The following LTA4H variants were observed in gnomAD, a reference collection of about 807,000 sequenced individuals.
The protein encoded by LTA4H is leukotriene A-4 hydrolase.
LTA4H carries 59 observed loss-of-function variants against 89.8 expected under a neutral mutation model. The observed-to-expected ratio is 0.66, with a 90% CI of 0.53 to 0.82. LTA4H has a LOEUF of 0.82. LTA4H is among the 40% of genes least tolerant of loss of function. LTA4H has a pLI of 0.00. For missense variants in LTA4H, 617 were observed against 727.0 expected, an observed-to-expected ratio of 0.85 and a Z score of 1.74; for synonymous variants, 227 against 253.1, an observed-to-expected ratio of 0.90 and a Z score of 0.98.
At position 96,002,994 on chromosome 12, in the gene LTA4H, G is replaced by C. The variant is rs1372587396; in HGVS notation, c.1684C>G (p.Gln562Glu). 4.4e-6 allele frequency: 7 copies of C among 1,604,856 alleles called. No individual in the cohort carries two copies. The highest frequency in any genetic ancestry group is 6.0e-6 in the Non-Finnish European group (7 of 1,175,284). ...IPLALKMATE[Q>E]GRMKFTRPLF... is the part of the protein sequence containing the mutation. ...GGCCGGGTAAACTTCATTCTTCCTT[G>C]TTCAGTTGCCATCTTTAGCGCCAAA... The change falls in exon 18 of 19, where the codon CAA becomes GAA. Residue 562 changes from glutamine to glutamate, a missense_variant. Transcript: ENST00000228740.
intron 1 of LTA4H, among the ~76,000 whole-genome samples, chr12:96,041,919 G>A (rs1224394242): frequency 4.0e-5 from 6 of 151,580 alleles, no homozygotes; most frequent in Non-Finnish European, 8.8e-5. Context: ...GGGATTACAG[G>A]CGTGAGCCAC....
At chr12:96,010,510 G>T (rs1316333153) in intron 14 of LTA4H, 1 of 152,180 alleles carries the variant, frequency 6.6e-6, no homozygotes, top group Admixed American at 6.5e-5. Flanking sequence ...GAATTAACTG[G>T]GCAAAGGGCT....
At chr12:96,014,523 C>T (rs776944726) in intron 12 of LTA4H, among the ~76,000 whole-genome samples, 2 of 152,002 alleles carry the variant, frequency 1.3e-5, no homozygotes, top group Non-Finnish European at 2.9e-5. Flanking sequence ...CAGTGGTTAC[C>T]CCTGGGGAGT....
chr12:96,011,007 T>C (rs1950293478), intron 14 of LTA4H: 1 of 152,182 alleles, frequency 6.6e-6, no homozygotes, highest in South Asian at 2.1e-4. Context: ...TAAGATACTC[T>C]CTCTTTACAG....
At position 96,022,767 on chromosome 12, in the gene LTA4H, G is replaced by A. The variant is rs748081998; in HGVS notation, c.481-516C>T. ...TTGCTGCAAGGAATAAATAATATAA[G>A]TGAAGAGCCCAGCACCATCCCTGGC... On this transcript the variant is annotated intron_variant, in intron 4 of 18. Transcript: ENST00000228740. The surrounding 1 kb of genome is among the most constrained non-coding windows in gnomAD (Gnocchi z 4.0). 3.9e-5 allele frequency among the ~76,000 whole-genome samples: 6 copies of A among 152,076 alleles called. No homozygotes were observed. Among genetic ancestry groups the A allele is most frequent in the Non-Finnish European group, 7.4e-5 (5 of 68,014 alleles).
chr12:96,018,333 G>A (rs1330580859), intron 8 of LTA4H, among the ~76,000 whole-genome samples: 1 of 152,150 alleles, frequency 6.6e-6, no homozygotes, highest in African/African-American at 2.4e-5. Flanking sequence ...GGTGGATCAC[G>A]AGGTCAGAGG....
chr12:96,022,097 A>G lies in LTA4H; in HGVS notation c.585+50T>C. 8.4e-7 allele frequency: 1 copy of G among 1,194,866 alleles called. No individual in the cohort carries two copies. The highest frequency in any genetic ancestry group is 1.2e-6 in the Non-Finnish European group (1 of 802,840). 74.0% of individuals were successfully genotyped at this position (1,194,866 alleles called of 1,614,324 possible). ...TTGCCCTCTGGATGTGTACAAGCTA[A>G]CTGTAGTTTACCGCCAATGAAAACA... On this transcript the variant is annotated intron_variant, in intron 5 of 18. Coordinates refer to ENST00000228740, the MANE Select transcript of LTA4H (RefSeq NM_000895.3). The surrounding 1 kb of genome is among the most constrained non-coding windows in gnomAD (Gnocchi z 4.0).
At chr12:96,041,993 T>G (rs1265313579) in intron 1 of LTA4H, among the ~76,000 whole-genome samples, 1 of 145,010 alleles carries the variant, frequency 6.9e-6, no homozygotes, top group Admixed American at 6.7e-5. Flanking sequence ...TTTCTTTTTT[T>G]TTTTTTTTTT....
rs947259034 is a variant in LTA4H, at chr12:96,018,637, T to C, written c.852+126A>G. 7 of 509,750 alleles carry C rather than the reference T, an allele frequency of 1.4e-5. No individual in the cohort carries two copies. In the East Asian group the frequency reaches 1.7e-4, roughly 13 times the overall value. The allele number at this position is 509,750 out of a possible 1,614,324, so 31.6% of individuals were successfully genotyped here. A position where few individuals can be genotyped will look rare whatever the true frequency, so the allele number is the denominator to read the frequency against. On this transcript the variant is annotated intron_variant, in intron 8 of 18. Coordinates refer to ENST00000228740, the MANE Select transcript of LTA4H (RefSeq NM_000895.3). ...GTTACACGAACAAGAGAAAAGATTT[T>C]TATACATATATACATTATTAGGACT...
rs1193405074 is a variant in LTA4H, at chr12:96,009,104, C to G, written c.1424G>C (p.Arg475Thr). 6.2e-7 allele frequency: 1 copy of G among 1,602,980 alleles called. No homozygotes were observed. The highest frequency in any genetic ancestry group is 1.3e-5 in the African/African-American group (1 of 74,722). The change falls in exon 15 of 19, where the codon AGA (arginine) becomes ACA (threonine). Residue 475 changes from arginine (R) to threonine (T), a missense_variant. Transcript: ENST00000228740. ...LTNACIALSQRWITAKEDDLN... is the reference protein window; with the variant it reads ...LTNACIALSQTWITAKEDDLN... ...CACATTATTACTTACAGTAATCCATCTTTGACTTAAGGCAATACAAGCATT... is the reference window on the plus strand; with the variant it reads ...CACATTATTACTTACAGTAATCCATGTTTGACTTAAGGCAATACAAGCATT...
rs1460911677 is a variant in LTA4H at position 96,013,771 on chromosome 12, C to A, written c.1287G>T (p.Leu429=). 1 of 1,566,508 alleles carries A rather than the reference C, an allele frequency of 6.4e-7. No individual in the cohort carries two copies. Among genetic ancestry groups the A allele is most frequent in the East Asian group, 2.3e-5 (1 of 44,010 alleles). The change falls in exon 13 of 19, where the codon CTG becomes CTT. Residue 429 remains leucine (L), a synonymous_variant. Coordinates refer to ENST00000228740, the MANE Select transcript of LTA4H (RefSeq NM_000895.3). The part of the protein sequence containing the change: ...SITTDDWKDF[L]YSYFKDKVDV... ...CAACCTTATCTTTAAAATAGGAATA[C>A]AGGAAATCCTTCCAGTCATCAGTAG...
chr12:96,024,339 T>A (rs1950487968), intron 4 of LTA4H, 140 bp downstream of exon 4: 1 of 535,056 alleles, frequency 1.9e-6, no homozygotes, highest in African/African-American at 1.9e-5. Context: ...CCACAGCCTC[T>A]TTGTTTACAT....
At chr12:96,024,048 G>C (rs957053368) in intron 4 of LTA4H, among the ~76,000 whole-genome samples, 3 of 151,866 alleles carry the variant, frequency 2.0e-5, no homozygotes, top group Non-Finnish European at 4.4e-5. Flanking sequence ...TCCTGCCTCA[G>C]CCTGCCGAGT....
chr12:96,009,305 T>G (rs1367764985), intron 14 of LTA4H, 157 bp from the exon 15 acceptor site: 1 of 596,922 alleles, frequency 1.7e-6, no homozygotes, highest in Non-Finnish European at 3.0e-6. Context: ...CTAACTTACA[T>G]ACTACTGGCA....
At chr12:96,041,456 A>G (rs1950685150) in intron 1 of LTA4H, among the ~76,000 whole-genome samples, 1 of 152,002 alleles carries the variant, frequency 6.6e-6, no homozygotes, top group Admixed American at 6.6e-5. Flanking sequence ...CTCCTGATTA[A>G]ACTCTGCCTC....
intron 16 of LTA4H, among the ~76,000 whole-genome samples, chr12:96,005,403 G>A (rs944566856): frequency 1.4e-4 from 21 of 152,168 alleles, no homozygotes; most frequent in African/African-American, 3.9e-4. Context: ...ATTTCATCCC[G>A]ACTCTTCTGC....
chr12:96,017,137 T>C (rs915293696), intron 9 of LTA4H, 23 bp from the exon 10 acceptor site: 12 of 1,492,222 alleles, frequency 8.0e-6, no homozygotes, highest in Middle Eastern at 3.4e-4. Context: ...GTGTGATTAA[T>C]AGTAAGACTG....
intron 1 of LTA4H, among the ~76,000 whole-genome samples, chr12:96,034,947 CCG>C (rs1247009575): frequency 1.9e-4 from 29 of 152,156 alleles, no homozygotes; most frequent in African/African-American, 6.8e-4. Context: ...GGGCCGCAGG[CCG>C]AAGCAATGGG....
intron 17 of LTA4H, 106 bp downstream of exon 17, chr12:96,003,732 A>C (rs2136852500): frequency 1.6e-6 from 1 of 619,424 alleles, no homozygotes; most frequent in Non-Finnish European, 2.7e-6. Flanking sequence ...TTGACAAGGA[A>C]TTCTCAAGAC....
Sources: gnomAD v4.1 joint callset for allele counts (sites outside exome capture counted in the v4.1 genomes callset) on GRCh38, gnomAD v4.1.1 for gene constraint, Gnocchi (gnomAD v3.1) non-coding constraint, MANE v1.5 for transcripts, NCBI Gene and HGNC (gene_info 2026-07-23, HGNC 2026-07-21) for gene names.